The following RIMBP2 variants were observed in gnomAD, a reference collection of about 807,000 sequenced individuals.
RIMBP2 encodes RIMS-binding protein 2.
A neutral mutation model predicts 118.6 loss-of-function variants in RIMBP2; 48 were observed. The observed-to-expected ratio is 0.40, with a 90% confidence interval of 0.32 to 0.51. The LOEUF (loss-of-function observed/expected upper bound fraction) is 0.51. Among genes scored for constraint, RIMBP2 ranks in the 20% least tolerant of loss-of-function variants. RIMBP2 has a pLI of 0.41. For synonymous variants in RIMBP2, 762 were observed against 742.9 expected (o/e 1.03, Z -0.42); for missense variants, 1,551 against 1,768.3 (o/e 0.88, Z 2.20).
intron 4 of RIMBP2, among the ~76,000 whole-genome samples, chr12:130,481,933 C>T (rs56297466): frequency 6.6e-6 from 1 of 150,544 alleles, no homozygotes; most frequent in African/African-American, 2.4e-5. Flanking sequence ...CCCCCCAAGC[C>T]GCCACCACCA....
At chr12:130,707,463 G>A (rs1199452179) in intron 1 of RIMBP2, among the ~76,000 whole-genome samples, 1 of 152,144 alleles carries the variant, frequency 6.6e-6, no homozygotes, top group East Asian at 1.9e-4. Flanking sequence ...TCTCAGAGGC[G>A]GTGACCTTTG....
At chr12:130,652,359 A>G (rs1270383994) in intron 1 of RIMBP2, among the ~76,000 whole-genome samples, 2 of 152,204 alleles carry the variant, frequency 1.3e-5, no homozygotes, top group Non-Finnish European at 2.9e-5. Flanking sequence ...GCAAAGCTGA[A>G]CATGTTTACC....
chr12:130,553,341 A>G (rs2056017135), intron 2 of RIMBP2, among the ~76,000 whole-genome samples: 2 of 152,172 alleles, frequency 1.3e-5, no homozygotes, highest in African/African-American at 4.8e-5. Flanking sequence ...CTGCTGTGTT[A>G]AACACTTTCC....
rs1296706628 is a variant in RIMBP2, at chr12:130,710,237, C to CT, written c.-352+5984dup. ...GGGCCTGAACCTCTCTCCCAGGTGT[C>CT]TGCACCTCTGGCTCCTTCTCAGGGT... On this transcript the variant is annotated intron_variant, in intron 1 of 22. Transcript: ENST00000690449. The surrounding 1 kb of genome is among the most constrained non-coding windows in gnomAD (Gnocchi z 4.3). Among the ~76,000 whole-genome samples the CT allele has an allele frequency of 2.6e-5, 4 of 152,126 alleles. No homozygotes were observed. Among genetic ancestry groups the CT allele is most frequent in the Non-Finnish European group, 5.9e-5 (4 of 68,014 alleles).
Position 130,424,156 on chromosome 12 carries a change from C to G in RIMBP2, c.3115G>C (p.Ala1039Pro), listed in dbSNP as rs190166052. 193 of 1,231,562 alleles carry G rather than the reference C, an allele frequency of 1.6e-4. 1 individual carries two copies. The Admixed American group carries it at 1.6e-3, about 10-fold the overall frequency. The allele number at this position is 1,231,562 out of a possible 1,614,324, so 76.3% of individuals were successfully genotyped here. A position where few individuals can be genotyped will look rare whatever the true frequency, so the allele number is the denominator to read the frequency against. ...APHAKPPPRV[A>P]QGPLILGNPA... is the part of the protein sequence containing the mutation. ...AGGTCACACACCAGGGGGCCTTGTGCGACTCTGGGAGGTGGCTTTGCGTGG... is the reference window on the plus strand; with the variant it reads ...AGGTCACACACCAGGGGGCCTTGTGGGACTCTGGGAGGTGGCTTTGCGTGG... Residue 1039 changes from alanine (A) to proline (P), a missense_variant, in exon 16 of 23, where the codon GCA becomes CCA. Around this residue, in one of 5 missense-constraint regions of RIMBP2, gnomAD observed 1,038 missense variants for 1,125.1 expected, o/e 0.92. Coordinates refer to ENST00000690449, the MANE Select transcript of RIMBP2 (RefSeq NM_001393629.1). The surrounding 1 kb of genome is among the most constrained non-coding windows in gnomAD (Gnocchi z 9.8).
chr12:130,573,452 G>A (rs372483148), intron 2 of RIMBP2, among the ~76,000 whole-genome samples: 5 of 152,058 alleles, frequency 3.3e-5, no homozygotes, highest in East Asian at 3.9e-4. Context: ...GGGTGCGTGC[G>A]TGGGTGCATG....
intron 6 of RIMBP2, among the ~76,000 whole-genome samples, chr12:130,462,775 A>G (rs758249378): frequency 6.6e-6 from 1 of 152,244 alleles, no homozygotes; most frequent in Non-Finnish European, 1.5e-5. Flanking sequence ...TGGAGCTCAC[A>G]GACCAGGCAT....
intron 11 of RIMBP2, among the ~76,000 whole-genome samples, chr12:130,438,996 T>C (rs955362678): frequency 3.3e-5 from 5 of 149,746 alleles, no homozygotes; most frequent in African/African-American, 1.2e-4. Context: ...TCACCTTTTC[T>C]TCTCTCTTTT....
intron 1 of RIMBP2, chr12:130,668,405 G>A (rs56813652): frequency 0.031 from 4,659 of 152,326 alleles, 76 homozygotes; most frequent in South Asian, 0.044. Flanking sequence ...TGCACAGAAC[G>A]TCTGCAGAGT....
chr12:130,543,113 G>C (rs909507376), intron 2 of RIMBP2, among the ~76,000 whole-genome samples: 5 of 152,190 alleles, frequency 3.3e-5, no homozygotes, highest in African/African-American at 1.2e-4. Flanking sequence ...GCCCTAATGA[G>C]GCTGTCAGGC....
At chr12:130,417,558 A>G (rs2076172805) in intron 17 of RIMBP2, among the ~76,000 whole-genome samples, 2 of 152,204 alleles carry the variant, frequency 1.3e-5, no homozygotes, top group African/African-American at 4.8e-5. Flanking sequence ...GGAACAACAG[A>G]AACTGGGGAA....
At chr12:130,512,605 G>A (rs993393653) in intron 3 of RIMBP2, among the ~76,000 whole-genome samples, 1 of 152,204 alleles carries the variant, frequency 6.6e-6, no homozygotes, top group Non-Finnish European at 1.5e-5. Flanking sequence ...TTACAGGCGT[G>A]AGCCACCGCA....
At chr12:130,595,563 A>ATAC (rs2059508432) in intron 2 of RIMBP2, among the ~76,000 whole-genome samples, 1 of 151,804 alleles carries the variant, frequency 6.6e-6, no homozygotes, top group Admixed American at 6.6e-5. Flanking sequence ...AATAATAATA[A>ATAC]TAATAATAAA....
intron 1 of RIMBP2, chr12:130,668,099 T>G (rs554238807): frequency 9.9e-5 from 15 of 152,246 alleles, no homozygotes; most frequent in African/African-American, 3.6e-4. Context: ...TGAAACCACC[T>G]CCCTGGAGCT....
intron 2 of RIMBP2, among the ~76,000 whole-genome samples, chr12:130,564,345 G>A (rs1017159891): frequency 3.3e-5 from 5 of 151,258 alleles, no homozygotes; most frequent in South Asian, 2.1e-4. Context: ...TTTTCCCAAA[G>A]CATTTCTCAT....
In RIMBP2 at chr12:130,511,409, C is replaced by T. The variant is rs897400938; in HGVS notation, c.-126-4639G>A. Among the ~76,000 whole-genome samples the T allele has an allele frequency of 2.0e-5, 3 of 152,158 alleles. No individual in the cohort carries two copies. The highest frequency in any genetic ancestry group is 6.5e-5 in the Admixed American group (1 of 15,274). ...TCAGCTAAACAGCAGTCCTCGTTAC[C>T]GCGAGCACGCGTCGAATTGTCACTC... On this transcript the variant is annotated intron_variant, in intron 3 of 22. Transcript: ENST00000690449. This position sits in a 1 kb window ranked among gnomAD's most constrained non-coding sequence, Gnocchi z 4.3.
intron 2 of RIMBP2, among the ~76,000 whole-genome samples, chr12:130,534,698 T>C (rs921251967): frequency 6.6e-6 from 1 of 152,196 alleles, no homozygotes; most frequent in Non-Finnish European, 1.5e-5. Flanking sequence ...ATGTCATAGA[T>C]TCTGTCCTTG....
At chr12:130,606,943 T>C (rs1309015403) in intron 2 of RIMBP2, among the ~76,000 whole-genome samples, 1 of 152,174 alleles carries the variant, frequency 6.6e-6, no homozygotes, top group East Asian at 1.9e-4. Flanking sequence ...GCAATTCTCC[T>C]GCCTCAGCCT....
At chr12:130,517,076 G>A (rs761396020) in intron 3 of RIMBP2, among the ~76,000 whole-genome samples, 15 of 152,180 alleles carry the variant, frequency 9.9e-5, no homozygotes, top group Non-Finnish European at 1.9e-4. Flanking sequence ...AGTACTGAGA[G>A]GTGGGGCCTT....
Sources: gnomAD v4.1 joint callset for allele counts (sites outside exome capture counted in the v4.1 genomes callset) on GRCh38, gnomAD v4.1.1 for gene constraint, gnomAD v4.1.1 regional missense constraint, Gnocchi (gnomAD v3.1) non-coding constraint, MANE v1.5 for transcripts, NCBI Gene and HGNC (gene_info 2026-07-23, HGNC 2026-07-21) for gene names.